The following CYP7B1 variants were observed in gnomAD, a reference collection of about 807,000 sequenced individuals.
The protein encoded by CYP7B1 is cytochrome P450 7B1.
CYP7B1 carries 29 observed loss-of-function variants against 42.7 expected under a neutral mutation model. The ratio of observed to expected loss-of-function variants is 0.68; its 90% confidence interval spans 0.51 to 0.93. The LOEUF (loss-of-function observed/expected upper bound fraction) is 0.93, where lower values mean the gene tolerates loss of function less well. Ranked by LOEUF, CYP7B1 falls within the 40% of genes least tolerant of loss-of-function variation. The probability of loss-of-function intolerance (pLI) is 0.00; values close to 1 mark genes in which losing one functional copy is unlikely to be tolerated. For synonymous variants in CYP7B1, 235 were observed against 218.2 expected (o/e 1.08, Z -0.68); for missense variants, 655 against 600.5 (o/e 1.09, Z -0.95).
chr8:64,694,760 C>T (rs953869621), intron 1 of CYP7B1, among the ~76,000 whole-genome samples: 3 of 152,098 alleles, frequency 2.0e-5, no homozygotes, highest in East Asian at 1.9e-4. Flanking sequence ...TCTGTCTCTG[C>T]GTGTAGTTTG....
At position 64,677,438 on chromosome 8, in the gene CYP7B1, CAAAAAAAA is replaced by C. The variant is rs148821778; in HGVS notation, c.123-52907_123-52900del. On this transcript the variant is annotated intron_variant, in intron 1 of 5. Coordinates refer to ENST00000310193, the MANE Select transcript of CYP7B1 (RefSeq NM_004820.5). ...AGATAAACGGCACATATTTAGGAGC[CAAAAAAAA>C]AAAAAAAAAAAAAAAAAATGATTTC... is the stretch of plus-strand genomic sequence containing the variant. Among the ~76,000 whole-genome samples the C allele has an allele frequency of 3.4e-4, 30 of 87,282 alleles. No homozygotes were observed. In the East Asian group the frequency reaches 4.3e-3, roughly 13 times the overall value. 57.3% of individuals were successfully genotyped at this position (87,282 alleles called of 152,430 possible). A position where few individuals can be genotyped will look rare whatever the true frequency, so the allele number is the denominator to read the frequency against.
rs1045535417 is a variant in CYP7B1 at position 64,595,715 on chromosome 8, T to A, written c.*927A>T. Among the ~76,000 whole-genome samples the A allele has an allele frequency of 6.6e-6, 1 of 152,206 alleles. No homozygotes were observed. The highest frequency in any genetic ancestry group is 1.5e-5 in the Non-Finnish European group (1 of 68,038). ...ATGTTGTAATTCAAAATAGAACACA[T>A]GAACTCCAAATCCAAAAGGTGAGAC... On this transcript the variant is annotated 3_prime_UTR_variant, in exon 6 of 6. Transcript: ENST00000310193.
chr8:64,798,328 C>T, intron 1 of CYP7B1, 138 bp downstream of exon 1: 3 of 1,288,464 alleles, frequency 2.3e-6, no homozygotes, highest in Non-Finnish European at 3.0e-6. Flanking sequence ...TACAAAGTCC[C>T]AAAGGAAGCC....
rs1446357569 is a variant in CYP7B1 at position 64,618,299 on chromosome 8, A to T, written c.260-2018T>A. On this transcript the variant is annotated intron_variant, in intron 2 of 5. Transcript: ENST00000310193. The stretch of plus-strand genomic sequence containing the variant: ...TTTTCTCCTTTCACTAAATAAAAGG[A>T]TTTTGCTAAATATCTTTGGGGTTAT... Among the ~76,000 whole-genome samples the T allele has an allele frequency of 2.0e-5, 3 of 152,024 alleles. 1 individual carries two copies. The East Asian group carries it at 5.8e-4, about 29-fold the overall frequency.
intron 1 of CYP7B1, among the ~76,000 whole-genome samples, chr8:64,650,651 A>G (rs535685236): frequency 6.6e-5 from 10 of 152,230 alleles, no homozygotes; most frequent in Non-Finnish European, 1.0e-4. Context: ...CTGTCTCAAA[A>G]AAACAAAAAA....
chr8:64,714,719 T>A (rs1324238122), intron 1 of CYP7B1, among the ~76,000 whole-genome samples: 3 of 152,200 alleles, frequency 2.0e-5, no homozygotes, highest in Non-Finnish European at 4.4e-5. Context: ...ATGTAACGTA[T>A]GAAAACTGAT....
chr8:64,615,714 A>C lies in CYP7B1; in HGVS notation c.827T>G (p.Val276Gly). Residue 276 changes from valine to glycine, a missense_variant, in exon 3 of 6, where the codon GTG becomes GGG. By Grantham distance (109) the Val-to-Gly change is moderately radical. Coordinates refer to ENST00000310193, the MANE Select transcript of CYP7B1 (RefSeq NM_004820.5). Reference sequence around the variant, plus strand: ...ACCTCCTATTTCAAGGTCCTCGTGCACATAATATTTCTCCAGGACATCTTG... The same window carrying C: ...ACCTCCTATTTCAAGGTCCTCGTGCCCATAATATTTCTCCAGGACATCTTG... Reference protein sequence around the residue: ...SRQDVLEKYYVHEDLEIGAHH... With the variant: ...SRQDVLEKYYGHEDLEIGAHH... The C allele has an allele frequency of 6.2e-7, 1 of 1,613,676 alleles. No individual in the cohort carries two copies. The highest frequency in any genetic ancestry group is 8.5e-7 in the Non-Finnish European group (1 of 1,179,692).
At chr8:64,672,600 GA>G (rs1266166286) in intron 1 of CYP7B1, among the ~76,000 whole-genome samples, 4 of 152,096 alleles carry the variant, frequency 2.6e-5, no homozygotes, top group Non-Finnish European at 5.9e-5. Context: ...AAAATGTGGA[GA>G]AAAAGTTGGC....
intron 1 of CYP7B1, among the ~76,000 whole-genome samples, chr8:64,652,240 C>T (rs1806050398): frequency 6.6e-6 from 1 of 152,114 alleles, no homozygotes; most frequent in Admixed American, 6.5e-5. Flanking sequence ...CCACGATACA[C>T]CTGGTTATAG....
At chr8:64,659,423 T>C (rs1806168910) in intron 1 of CYP7B1, among the ~76,000 whole-genome samples, 1 of 152,200 alleles carries the variant, frequency 6.6e-6, no homozygotes. Flanking sequence ...CCTGAATAAA[T>C]ATAAATAGAA....
At chr8:64,613,875 A>G (rs1223567952) in intron 4 of CYP7B1, among the ~76,000 whole-genome samples, 2 of 152,186 alleles carry the variant, frequency 1.3e-5, no homozygotes, top group African/African-American at 4.8e-5. Context: ...ATGGCCACTG[A>G]GGGTGAACAT....
At chr8:64,783,302 C>T (rs1338495052) in intron 1 of CYP7B1, among the ~76,000 whole-genome samples, 1 of 152,120 alleles carries the variant, frequency 6.6e-6, no homozygotes, top group East Asian at 1.9e-4. Flanking sequence ...TAATTAGAAA[C>T]AGAAATAATT....
At chr8:64,640,334 A>C (rs1805834443) in intron 1 of CYP7B1, among the ~76,000 whole-genome samples, 1 of 152,160 alleles carries the variant, frequency 6.6e-6, no homozygotes, top group African/African-American at 2.4e-5. Context: ...GACTAAGATT[A>C]ATTTCATATT....
rs754014346 is a variant in CYP7B1, at chr8:64,675,770, T to A, written c.123-51231A>T. The stretch of plus-strand genomic sequence containing the variant: ...TGTTTCTTAGAGGATGCACTTGAAA[T>A]ACCCACAATAGCACATACCTAGGTC... On this transcript the variant is annotated intron_variant, in intron 1 of 5. Coordinates refer to ENST00000310193, the MANE Select transcript of CYP7B1 (RefSeq NM_004820.5). Among the ~76,000 whole-genome samples the A allele has an allele frequency of 1.6e-4, 25 of 152,256 alleles. 1 individual carries two copies. The highest frequency in any genetic ancestry group is 6.2e-4 in the South Asian group (3 of 4,828).
intron 4 of CYP7B1, among the ~76,000 whole-genome samples, chr8:64,609,587 G>A (rs571798133): frequency 2.0e-5 from 3 of 152,298 alleles, no homozygotes; most frequent in East Asian, 1.9e-4. Flanking sequence ...AATTCAATTA[G>A]TCAATGTGCC....
At chr8:64,607,783 T>C (rs1479352743) in intron 4 of CYP7B1, among the ~76,000 whole-genome samples, 1 of 152,244 alleles carries the variant, frequency 6.6e-6, no homozygotes, top group Non-Finnish European at 1.5e-5. Context: ...TCTGTAAATG[T>C]TTTATAAAAC....
intron 1 of CYP7B1, among the ~76,000 whole-genome samples, chr8:64,741,704 C>T (rs1013492165): frequency 2.0e-5 from 3 of 152,084 alleles, no homozygotes; most frequent in Admixed American, 1.3e-4. Flanking sequence ...CTCATACATA[C>T]CAGCAGTAAA....
chr8:64,589,519 T>C (rs1805008374), downstream of CYP7B1, among the ~76,000 whole-genome samples: 1 of 152,204 alleles, frequency 6.6e-6, no homozygotes, highest in Non-Finnish European at 1.5e-5. Flanking sequence ...TTTATAAAAC[T>C]TTAAATAAAC....
intron 2 of CYP7B1, 119 bp from the exon 3 acceptor site, chr8:64,616,400 A>T (rs1041352048): frequency 8.5e-6 from 6 of 701,988 alleles, no homozygotes; most frequent in Non-Finnish European, 1.4e-5. Flanking sequence ...CTAAGGCAAA[A>T]AGTTTAATAC....
Sources: allele counts gnomAD v4.1 joint callset (sites outside exome capture counted in the v4.1 genomes callset), GRCh38; gene constraint gnomAD v4.1.1; transcripts MANE v1.5; gene names NCBI Gene and HGNC (gene_info 2026-07-23, HGNC 2026-07-21).